POTEE: variants seen among roughly 807,000 people sequenced by gnomAD.
POTEE encodes ANKRD26-like family C member 1A.
In POTEE, 21 loss-of-function variants were observed where a neutral mutation model predicts 74.2. The ratio of observed to expected loss-of-function variants is 0.28; its 90% CI spans 0.20 to 0.41. The LOEUF (loss-of-function observed/expected upper bound fraction) is 0.41, where lower values mean the gene tolerates loss of function less well. Among genes scored for constraint, POTEE ranks in the 10% least tolerant of loss-of-function variants. POTEE has a pLI of 1.00. For missense variants in POTEE, 525 were observed against 1,158.6 expected (o/e 0.45, Z 7.94); for synonymous variants, 211 against 432.8 (o/e 0.49, Z 6.36).
intron 6 of POTEE, among the ~76,000 whole-genome samples, chr2:131,225,789 A>G (rs1436685772): frequency 2.0e-5 from 3 of 151,394 alleles, no homozygotes; most frequent in Non-Finnish European, 4.4e-5. Flanking sequence ...GCCTCCCCAA[A>G]TGCTAGGATT....
intron 9 of POTEE, among the ~76,000 whole-genome samples, chr2:131,236,223 G>A (rs2105101693): frequency 6.6e-6 from 1 of 152,202 alleles, no homozygotes; most frequent in African/African-American, 2.4e-5. Context: ...TGAGGGGAAG[G>A]GGAGACAGTA....
intron 9 of POTEE, among the ~76,000 whole-genome samples, 165 bp downstream of exon 9, chr2:131,231,071 C>T (rs969583454): frequency 6.6e-6 from 1 of 151,118 alleles, no homozygotes; most frequent in African/African-American, 2.4e-5. Flanking sequence ...ATATTATTAT[C>T]ACATTGTAAT....
intron 4 of POTEE, among the ~76,000 whole-genome samples, chr2:131,221,997 T>C (rs1202827051): frequency 3.3e-5 from 5 of 152,284 alleles, no homozygotes; most frequent in African/African-American, 7.2e-5. Context: ...TTCATGTTTA[T>C]CTGCTGGGCT....
intron 3 of POTEE, among the ~76,000 whole-genome samples, 187 bp downstream of exon 3, chr2:131,217,870 G>A (rs1369633526): frequency 2.0e-5 from 3 of 149,864 alleles, no homozygotes; most frequent in Non-Finnish European, 4.4e-5. Flanking sequence ...GGCCTGTAAC[G>A]GCTTGCACGC....
chr2:131,235,989 A>G (rs978631454), intron 9 of POTEE, among the ~76,000 whole-genome samples: 4 of 152,050 alleles, frequency 2.6e-5, no homozygotes, highest in African/African-American at 9.7e-5. Flanking sequence ...GGAGGATTTC[A>G]TTTAGGTTCG....
At position 131,230,827 on chromosome 2, in the gene POTEE, T is replaced by C. The variant is rs754231554; in HGVS notation, c.1056-9T>C. 6.6e-7 allele frequency: 1 copy of C among 1,512,022 alleles called. No homozygotes were observed. Among genetic ancestry groups the C allele is most frequent in the Non-Finnish European group, 8.9e-7 (1 of 1,119,658 alleles). The allele number at this position is 1,512,022 out of a possible 1,614,324, so 93.7% of individuals were successfully genotyped here. A position where few individuals can be genotyped will look rare whatever the true frequency, so the allele number is the denominator to read the frequency against. On this transcript the variant is annotated splice_polypyrimidine_tract_variant and intron_variant, in intron 8 of 17. Transcript: ENST00000683005. ...ATAGTAATTTGGTTTATTACATTTT[T>C]ATACATAGAATTTGCCAGTTACTTT...
At chr2:131,216,414 T>A (rs1700443372) in intron 2 of POTEE, among the ~76,000 whole-genome samples, 1 of 152,164 alleles carries the variant, frequency 6.6e-6, no homozygotes, top group Non-Finnish European at 1.5e-5. Flanking sequence ...CCTGGAGGCA[T>A]CAGACTACCT....
At chr2:131,260,643 A>G (rs1440094086) in intron 16 of POTEE, among the ~76,000 whole-genome samples, 3 of 148,216 alleles carry the variant, frequency 2.0e-5, no homozygotes, top group Non-Finnish European at 4.4e-5. Flanking sequence ...TAGTGGTGCT[A>G]CTGATTGGTA....
Position 131,263,392 on chromosome 2 carries a change from A to G in POTEE, c.1937A>G (p.His646Arg), listed in dbSNP as rs1384250887. The change falls in exon 18 of 18, where the codon CAT becomes CGT. Residue 646 changes from histidine to arginine, a missense_variant. Coordinates refer to ENST00000683005, the MANE Select transcript of POTEE (RefSeq NM_001083538.3). Reference sequence around the variant, plus strand: ...TGTAAGAAAGAAAAAGACGTCTTGCATGAAAATAGTACGTTGCGGGAAGAA... The same window carrying G: ...TGTAAGAAAGAAAAAGACGTCTTGCGTGAAAATAGTACGTTGCGGGAAGAA... ...LSCKKEKDVLHENSTLREEIA... is the reference protein window; with the variant it reads ...LSCKKEKDVLRENSTLREEIA... The G allele has an allele frequency of 6.2e-7, 1 of 1,611,750 alleles. No individual in the cohort carries two copies. Among genetic ancestry groups the G allele is most frequent in the Non-Finnish European group, 8.5e-7 (1 of 1,179,846 alleles).
chr2:131,237,776 G>A (rs1339875497), intron 10 of POTEE, among the ~76,000 whole-genome samples: 4 of 152,272 alleles, frequency 2.6e-5, no homozygotes, highest in African/African-American at 9.6e-5. Flanking sequence ...TCACTAGTTA[G>A]GGTTTCATGA....
chr2:131,236,448 C>A (rs1396867196), intron 9 of POTEE, among the ~76,000 whole-genome samples: 23 of 152,096 alleles, frequency 1.5e-4, no homozygotes, highest in Admixed American at 1.5e-3. Flanking sequence ...TGGAGAACAA[C>A]ATACTGTGTT....
intron 16 of POTEE, among the ~76,000 whole-genome samples, chr2:131,260,544 A>G (rs1701677345): frequency 6.7e-6 from 1 of 148,684 alleles, no homozygotes; most frequent in African/African-American, 2.6e-5. Flanking sequence ...TTCATTAAGT[A>G]TATTCCTAGG....
intron 2 of POTEE, among the ~76,000 whole-genome samples, chr2:131,213,514 T>TATCC (rs1700396920): frequency 6.6e-6 from 1 of 152,088 alleles, no homozygotes; most frequent in African/African-American, 2.4e-5. Flanking sequence ...CATGGAAGAA[T>TATCC]ATGTATAAAT....
At chr2:131,243,755 C>T (rs1356344986) in intron 12 of POTEE, among the ~76,000 whole-genome samples, 1 of 136,426 alleles carries the variant, frequency 7.3e-6, no homozygotes, top group Non-Finnish European at 1.6e-5. Context: ...GTAGTCCCAG[C>T]TGCTATGGAG....
chr2:131,221,715 C>T (rs1214431572), intron 4 of POTEE, among the ~76,000 whole-genome samples: 1 of 152,182 alleles, frequency 6.6e-6, no homozygotes, highest in East Asian at 1.9e-4. Flanking sequence ...ACATAATTAT[C>T]TTTTCATTAG....
chr2:131,230,313 A>G (rs1450070930), intron 8 of POTEE, among the ~76,000 whole-genome samples: 2 of 152,328 alleles, frequency 1.3e-5, no homozygotes, highest in Middle Eastern at 3.4e-3. Flanking sequence ...AGAACCTATG[A>G]ACAAAATATG....
chr2:131,228,093 A>C, intron 7 of POTEE, 151 bp from the exon 8 acceptor site: 1 of 1,439,740 alleles, frequency 6.9e-7, no homozygotes, highest in Non-Finnish European at 9.2e-7. Context: ...GCATTTTACA[A>C]AGATGAACAC....
chr2:131,210,627 C>A (rs1168623306), intron 1 of POTEE, among the ~76,000 whole-genome samples: 1 of 151,826 alleles, frequency 6.6e-6, no homozygotes, highest in Non-Finnish European at 1.5e-5. Flanking sequence ...CCCGCCCACA[C>A]CCCATGCTCT....
rs778356667 is a variant in POTEE, at chr2:131,218,490, C to T, written c.88C>T (p.Arg30Cys). 8.1e-6 allele frequency: 13 copies of T among 1,612,732 alleles called. 1 individual carries two copies. The highest frequency in any genetic ancestry group is 5.5e-5 in the South Asian group (5 of 91,050). ...GAGCAAGATGGGCAAGTGGTGCTGCCGTTGCTTCCCCTGCTACAGGGAGAG... is the reference window on the plus strand; with the variant it reads ...GAGCAAGATGGGCAAGTGGTGCTGCTGTTGCTTCCCCTGCTACAGGGAGAG... ...LRSKMGKWCC[R>C]CFPCYRESGK... Residue 30 changes from arginine to cysteine, a missense_variant, in exon 4 of 18, where the codon CGT (arginine) becomes TGT (cysteine). Coordinates refer to ENST00000683005, the MANE Select transcript of POTEE (RefSeq NM_001083538.3).
Sources: allele counts gnomAD v4.1 joint callset (sites outside exome capture counted in the v4.1 genomes callset), GRCh38; gene constraint gnomAD v4.1.1; transcripts MANE v1.5; gene names NCBI Gene and HGNC (gene_info 2026-07-23, HGNC 2026-07-21).